Variants in KIAA0513 observed in about 807,000 individuals in gnomAD.
KIAA0513 encodes uncharacterized protein KIAA0513.
In KIAA0513, 39 loss-of-function variants were observed where a neutral mutation model predicts 56.5. The observed-to-expected ratio is 0.69, with a 90% confidence interval of 0.53 to 0.90. KIAA0513 has a LOEUF of 0.90. Among genes scored for constraint, KIAA0513 ranks in the 40% least tolerant of loss-of-function variants. The pLI is 0.00. For synonymous variants in KIAA0513, 268 were observed against 215.6 expected, an observed-to-expected ratio of 1.24 and a Z score of -2.13; for missense variants, 591 against 535.2, an observed-to-expected ratio of 1.10 and a Z score of -1.03.
chr16:85,082,589 A>G lies in KIAA0513; in HGVS notation c.1006A>G (p.Lys336Glu). Residue 336 changes from lysine (K) to glutamate (E), a missense_variant, in exon 10 of 13, where the codon AAG becomes GAG. Transcript: ENST00000683363. Reference protein sequence around the residue: ...TRGDAGEEEEKREKWCHMTQE... With the variant: ...TRGDAGEEEEEREKWCHMTQE... ...AGGGGATGCTGGAGAGGAGGAGGAG[A>G]AGAGGTGTGTGTGTCCACGTGACTT... The G allele has an allele frequency of 6.2e-7, 1 of 1,613,838 alleles. No individual in the cohort carries two copies. Among genetic ancestry groups the G allele is most frequent in the Non-Finnish European group, 8.5e-7 (1 of 1,179,914 alleles).
intron 3 of KIAA0513, 90 bp from the exon 4 acceptor site, chr16:85,072,835 G>C: frequency 7.8e-7 from 1 of 1,281,954 alleles, no homozygotes; most frequent in Non-Finnish European, 1.1e-6. Context: ...GCTGCATTTG[G>C]AAACACTGAG....
chr16:85,067,358 G>T lies in KIAA0513; in HGVS notation c.287G>T (p.Arg96Met). Reference sequence around the variant, plus strand: ...CAGGATGAAGAGACCCTGGCACTCAGGGACTTCATGCGTGGCTACGTGGAG... The same window carrying T: ...CAGGATGAAGAGACCCTGGCACTCATGGACTTCATGCGTGGCTACGTGGAG... Reference protein sequence around the residue: ...STQDEETLALRDFMRGYVEKI... With the variant: ...STQDEETLALMDFMRGYVEKI... The change falls in exon 2 of 13, where the codon AGG (arginine) becomes ATG (methionine). Residue 96 changes from arginine to methionine, a missense_variant. Physicochemically the swap from Arg to Met is moderately conservative, Grantham distance 91 (BLOSUM62 -1). Transcript: ENST00000683363. 1 of 1,608,856 alleles carries T rather than the reference G, an allele frequency of 6.2e-7. No individual in the cohort carries two copies.
chr16:85,046,719 G>T (rs146786470), intron 1 of KIAA0513, among the ~76,000 whole-genome samples: 2 of 152,152 alleles, frequency 1.3e-5, no homozygotes, highest in East Asian at 1.9e-4. Flanking sequence ...TCATTCTGCC[G>T]TTGAGCCTAT....
At chr16:85,044,596 T>A (rs1475823046) in intron 1 of KIAA0513, among the ~76,000 whole-genome samples, 5 of 151,536 alleles carry the variant, frequency 3.3e-5, no homozygotes. Context: ...AACCTCTGCC[T>A]CCCAGGCTCA....
At chr16:85,031,807 C>G (rs2072968442) in intron 1 of KIAA0513, among the ~76,000 whole-genome samples, 1 of 152,188 alleles carries the variant, frequency 6.6e-6, no homozygotes. Flanking sequence ...TTCCTCTGAT[C>G]CCTGCCCACT....
chr16:85,034,532 G>T (rs778380181), intron 1 of KIAA0513, among the ~76,000 whole-genome samples: 1 of 152,152 alleles, frequency 6.6e-6, no homozygotes, highest in African/African-American at 2.4e-5. Flanking sequence ...GGTGGTTTTC[G>T]TAGTCTTGTG....
intron 1 of KIAA0513, among the ~76,000 whole-genome samples, chr16:85,055,688 C>T (rs942527519): frequency 6.6e-6 from 1 of 152,176 alleles, no homozygotes; most frequent in Admixed American, 6.5e-5. Flanking sequence ...CTTACTTAAT[C>T]TGTTGCACAG....
In KIAA0513 at chr16:85,090,003, C is replaced by G. The variant is rs960205440; in HGVS notation, c.*1678C>G. 1 of 152,260 alleles carries G rather than the reference C, an allele frequency of 6.6e-6. No homozygotes were observed. Among genetic ancestry groups the G allele is most frequent in the South Asian group, 2.1e-4 (1 of 4,818 alleles). 9.4% of individuals were successfully genotyped at this position (152,260 alleles called of 1,614,324 possible). A position where few individuals can be genotyped will look rare whatever the true frequency, so the allele number is the denominator to read the frequency against. On this transcript the variant is annotated 3_prime_UTR_variant, in exon 13 of 13. Coordinates refer to ENST00000683363, the MANE Select transcript of KIAA0513 (RefSeq NM_001388359.1). ...ATGAGTGATCTCAGCCTAGCGATGC[C>G]GCTGGCCAGACCGTGACCATGCTGC...
intron 1 of KIAA0513, among the ~76,000 whole-genome samples, chr16:85,040,869 T>C (rs1179744192): frequency 6.6e-6 from 1 of 152,128 alleles, no homozygotes; most frequent in Non-Finnish European, 1.5e-5. Context: ...CTTAAAGCAG[T>C]CCTTGGAACC....
At position 85,090,726 on chromosome 16, in the gene KIAA0513, C is replaced by G. The variant is rs141135389; in HGVS notation, c.*2401C>G. ...TCTGTGCTCCATCCACACAGGATGC[C>G]GGAGAGACAGCCCCTTGTGCTGTGA... On this transcript the variant is annotated 3_prime_UTR_variant, in exon 13 of 13. Transcript: ENST00000683363. 6.6e-6 allele frequency: 1 copy of G among 152,214 alleles called. No individual in the cohort carries two copies. The highest frequency in any genetic ancestry group is 1.5e-5 in the Non-Finnish European group (1 of 68,064). The allele number at this position is 152,214 out of a possible 1,614,324, so 9.4% of individuals were successfully genotyped here. A position where few individuals can be genotyped will look rare whatever the true frequency, so the allele number is the denominator to read the frequency against.
At chr16:85,028,286 C>G (rs1422856648) in intron 1 of KIAA0513, among the ~76,000 whole-genome samples, 1 of 152,116 alleles carries the variant, frequency 6.6e-6, no homozygotes, top group East Asian at 1.9e-4. Flanking sequence ...CAAGGGCATT[C>G]TGGGGAGAGG....
intron 8 of KIAA0513, chr16:85,079,490 T>TC (rs2073710924): frequency 6.1e-6 from 1 of 165,108 alleles, no homozygotes; most frequent in African/African-American, 2.4e-5. Context: ...TGCTCCACGC[T>TC]GTAGCAGGGA....
chr16:85,087,565 G>A (rs3794686), intron 12 of KIAA0513, among the ~76,000 whole-genome samples: 2,539 of 152,272 alleles, frequency 0.017, 29 homozygotes, highest in East Asian at 0.066. Flanking sequence ...CATGAGTATC[G>A]GGGGACAAGG....
Position 85,077,581 on chromosome 16 carries a change from T to C in KIAA0513, c.731T>C (p.Phe244Ser), listed in dbSNP as rs2073676024. 6.2e-7 allele frequency: 1 copy of C among 1,613,908 alleles called. No individual in the cohort carries two copies. The highest frequency in any genetic ancestry group is 1.3e-5 in the African/African-American group (1 of 74,926). The change falls in exon 6 of 13, where the codon TTC becomes TCC. Residue 244 changes from phenylalanine to serine, a missense_variant. Physicochemically the swap from Phe to Ser is radical, Grantham distance 155. Coordinates refer to ENST00000683363, the MANE Select transcript of KIAA0513 (RefSeq NM_001388359.1). ...GCCAGGACTGAGAATGTCAAGGGCTTCTTCGGGGGGCTGGAGACCAAGCTG... is the reference window on the plus strand; with the variant it reads ...GCCAGGACTGAGAATGTCAAGGGCTCCTTCGGGGGGCTGGAGACCAAGCTG... ...TSARTENVKG[F>S]FGGLETKLKG... is the part of the protein sequence containing the mutation.
intron 4 of KIAA0513, among the ~76,000 whole-genome samples, chr16:85,074,708 C>T (rs2041926844): frequency 6.6e-6 from 1 of 152,226 alleles, no homozygotes; most frequent in African/African-American, 2.4e-5. Context: ...AGTGAGCCCT[C>T]ACCTTTGGCC....
At chr16:85,078,495 C>T (rs1446991599) in intron 7 of KIAA0513, 40 bp downstream of exon 7, 3 of 1,589,624 alleles carry the variant, frequency 1.9e-6, no homozygotes, top group South Asian at 1.1e-5. Context: ...GCCCAGCCCA[C>T]AGCCCCTCAG....
At chr16:85,057,406 G>A (rs931677700) in intron 1 of KIAA0513, among the ~76,000 whole-genome samples, 6 of 152,216 alleles carry the variant, frequency 3.9e-5, no homozygotes, top group African/African-American at 1.4e-4. Context: ...GAGGTGTGTG[G>A]TGTGATTGGG....
chr16:85,036,847 C>A lies in KIAA0513; in HGVS notation c.-173+8989C>A, dbSNP rs540442387. On this transcript the variant is annotated intron_variant, in intron 1 of 12. Coordinates refer to ENST00000683363, the MANE Select transcript of KIAA0513 (RefSeq NM_001388359.1). Reference sequence around the variant, plus strand: ...TGTAACACGGGATCTTCATAGCTCCCAGAAGGAAAGCCATGCAGCGGCAGC... The same window carrying A: ...TGTAACACGGGATCTTCATAGCTCCAAGAAGGAAAGCCATGCAGCGGCAGC... Among the ~76,000 whole-genome samples, 8 of 152,282 alleles carry A rather than the reference C, an allele frequency of 5.3e-5. No homozygotes were observed. In the South Asian group the frequency reaches 1.7e-3, roughly 32 times the overall value.
At chr16:85,032,374 C>G (rs2072977005) in intron 1 of KIAA0513, among the ~76,000 whole-genome samples, 1 of 152,200 alleles carries the variant, frequency 6.6e-6, no homozygotes, top group African/African-American at 2.4e-5. Flanking sequence ...GTCTCTGTTG[C>G]CCAGGCCGTA....
Sources: allele counts gnomAD v4.1 joint callset (sites outside exome capture counted in the v4.1 genomes callset), GRCh38; gene constraint gnomAD v4.1.1; transcripts MANE v1.5; gene names NCBI Gene and HGNC (gene_info 2026-07-23, HGNC 2026-07-21).